Variants in SNTG1 observed in about 807,000 individuals in gnomAD.
The protein encoded by SNTG1 is syntrophin gamma 1.
A neutral mutation model predicts 74.7 loss-of-function variants in SNTG1; 39 were observed. The ratio of observed to expected loss-of-function variants is 0.52; its 90% CI spans 0.40 to 0.68. The LOEUF is 0.68. Ranked by LOEUF, SNTG1 falls within the 30% of genes least tolerant of loss-of-function variation. SNTG1 has a pLI of 0.00. For synonymous variants in SNTG1, 254 were observed against 217.1 expected (o/e 1.17, Z -1.49); for missense variants, 685 against 609.5 (o/e 1.12, Z -1.30).
chr8:50,355,992 A>T (rs573501633), intron 2 of SNTG1, among the ~76,000 whole-genome samples: 1 of 152,238 alleles, frequency 6.6e-6, no homozygotes, highest in South Asian at 2.1e-4. Context: ...CACAGCTCAT[A>T]GTAGGCTCTG....
At chr8:50,692,270 A>G (rs7000264) in intron 15 of SNTG1, among the ~76,000 whole-genome samples, 15,544 of 152,112 alleles carry the variant, frequency 0.1, 2,227 homozygotes, top group African/African-American at 0.32. Flanking sequence ...TTCTCCATCC[A>G]ACTTTGTTCC....
At chr8:50,565,071 C>A (rs1365671083) in intron 12 of SNTG1, among the ~76,000 whole-genome samples, 1 of 151,896 alleles carries the variant, frequency 6.6e-6, no homozygotes, top group Non-Finnish European at 1.5e-5. Context: ...GATTTTCGTC[C>A]CCAAATCCAT....
At chr8:50,426,806 G>GA (rs565847549) in intron 4 of SNTG1, among the ~76,000 whole-genome samples, 3 of 151,502 alleles carry the variant, frequency 2.0e-5, no homozygotes, top group South Asian at 4.2e-4. Context: ...AAATATTTGG[G>GA]AAAAAAATAC....
intron 2 of SNTG1, among the ~76,000 whole-genome samples, chr8:50,283,384 T>C (rs928516361): frequency 6.6e-6 from 1 of 152,172 alleles, no homozygotes; most frequent in Non-Finnish European, 1.5e-5. Context: ...GCTCACAAAA[T>C]ATTTCAGGAA....
chr8:50,647,865 T>C (rs984440505), intron 13 of SNTG1, among the ~76,000 whole-genome samples: 1 of 151,520 alleles, frequency 6.6e-6, no homozygotes, highest in African/African-American at 2.4e-5. Context: ...ATCCTATTTC[T>C]ATTATGCCTG....
intron 17 of SNTG1, among the ~76,000 whole-genome samples, chr8:50,721,800 T>C (rs2095488259): frequency 6.6e-6 from 1 of 152,150 alleles, no homozygotes; most frequent in Non-Finnish European, 1.5e-5. Flanking sequence ...ATTGCATAGC[T>C]CTTGCAGGGA....
chr8:50,611,542 G>T (rs1273876559), intron 13 of SNTG1, among the ~76,000 whole-genome samples: 2 of 152,098 alleles, frequency 1.3e-5, no homozygotes, highest in Non-Finnish European at 2.9e-5. Context: ...AAGTGACTAT[G>T]ATATTTATTC....
chr8:50,532,805 G>A (rs1244311808), intron 10 of SNTG1, among the ~76,000 whole-genome samples: 1 of 152,134 alleles, frequency 6.6e-6, no homozygotes, highest in Non-Finnish European at 1.5e-5. Flanking sequence ...CAGAATATGT[G>A]TATATTATAG....
intron 13 of SNTG1, among the ~76,000 whole-genome samples, chr8:50,629,434 C>T (rs1355913441): frequency 2.0e-5 from 3 of 151,978 alleles, no homozygotes; most frequent in Non-Finnish European, 1.5e-5. Flanking sequence ...AAAGAGATAA[C>T]TCAATTTAGA....
intron 1 of SNTG1, among the ~76,000 whole-genome samples, chr8:50,129,784 T>C (rs1047741897): frequency 6.6e-6 from 1 of 152,118 alleles, no homozygotes; most frequent in African/African-American, 2.4e-5. Context: ...TAAAACTAAA[T>C]ACAGAGTAAT....
intron 15 of SNTG1, among the ~76,000 whole-genome samples, chr8:50,702,078 C>T (rs2095428086): frequency 6.6e-6 from 1 of 151,904 alleles, no homozygotes; most frequent in Non-Finnish European, 1.5e-5. Flanking sequence ...CTGGAACTCC[C>T]CAACCTCAAG....
At chr8:50,748,805 G>A (rs566137665) in intron 17 of SNTG1, among the ~76,000 whole-genome samples, 91 of 152,046 alleles carry the variant, frequency 6.0e-4, no homozygotes, top group African/African-American at 2.1e-3. Flanking sequence ...ATATAAGATG[G>A]TGAATAATTT....
At chr8:50,058,689 GATAAA>G (rs1820226938) in intron 1 of SNTG1, among the ~76,000 whole-genome samples, 1 of 151,816 alleles carries the variant, frequency 6.6e-6, no homozygotes, top group African/African-American at 2.4e-5. Context: ...TACTGACATT[GATAAA>G]ATAAACTGAT....
intron 13 of SNTG1, among the ~76,000 whole-genome samples, chr8:50,626,412 T>C (rs2094956634): frequency 6.6e-6 from 1 of 151,524 alleles, no homozygotes; most frequent in Admixed American, 6.6e-5. Context: ...TAGCACTAGA[T>C]GAAATAAAGA....
At chr8:50,028,489 A>G (rs1817460610) in intron 1 of SNTG1, among the ~76,000 whole-genome samples, 2 of 150,992 alleles carry the variant, frequency 1.3e-5, no homozygotes, top group Admixed American at 6.6e-5. Flanking sequence ...TGCCATTGCT[A>G]GGTGATATGG....
intron 1 of SNTG1, among the ~76,000 whole-genome samples, chr8:49,992,021 T>G (rs1469420040): frequency 6.6e-6 from 1 of 152,232 alleles, no homozygotes; most frequent in Non-Finnish European, 1.5e-5. Flanking sequence ...TTTCTCCTCC[T>G]GAGCTATCAT....
intron 18 of SNTG1, among the ~76,000 whole-genome samples, chr8:50,777,353 T>C (rs2095643897): frequency 6.7e-6 from 1 of 150,338 alleles, no homozygotes; most frequent in Admixed American, 6.6e-5. Context: ...TCACAATTCT[T>C]TTATCCAGTT....
intron 2 of SNTG1, among the ~76,000 whole-genome samples, chr8:50,300,443 T>C (rs1206592900): frequency 6.6e-6 from 1 of 152,134 alleles, no homozygotes; most frequent in Non-Finnish European, 1.5e-5. Context: ...CCAATAAGTT[T>C]TCAAGATTAT....
chr8:49,970,603 T>G (rs1811572651), intron 1 of SNTG1, among the ~76,000 whole-genome samples: 1 of 152,204 alleles, frequency 6.6e-6, no homozygotes, highest in Non-Finnish European at 1.5e-5. Flanking sequence ...GATGTTTTTA[T>G]TTGTCCTCTA....
Sources: allele counts gnomAD v4.1 joint callset (sites outside exome capture counted in the v4.1 genomes callset), GRCh38; gene constraint gnomAD v4.1.1; transcripts MANE v1.5; gene names NCBI Gene and HGNC (gene_info 2026-07-23, HGNC 2026-07-21).